CNTNAP2: variants seen among roughly 807,000 people sequenced by gnomAD.
The protein encoded by CNTNAP2 is contactin associated protein 2.
Under a neutral mutation model 155.2 loss-of-function variants are expected in CNTNAP2, and 98 were observed. The ratio of observed to expected loss-of-function variants is 0.63; its 90% CI spans 0.54 to 0.75. The LOEUF (loss-of-function observed/expected upper bound fraction) is 0.75, where lower values mean the gene tolerates loss of function less well. Ranked by LOEUF, CNTNAP2 falls within the 30% of genes least tolerant of loss-of-function variation. The pLI, the probability that CNTNAP2 is intolerant of heterozygous loss-of-function variation, is 0.00. For synonymous variants in CNTNAP2, 651 were observed against 631.2 expected (o/e 1.03, Z -0.47); for missense variants, 1,727 against 1,688.1 (o/e 1.02, Z -0.40).
chr7:146,441,649 T>C lies in CNTNAP2; in HGVS notation c.97+324676T>C, dbSNP rs137883224. On this transcript the variant is annotated intron_variant, in intron 1 of 23. Coordinates refer to ENST00000361727, the MANE Select transcript of CNTNAP2 (RefSeq NM_014141.6). ...GAGGAAGGTCCTCTTTGCTCTTGAA[T>C]CTCGCATTCCTCTCTGGGTTTTTGC... is the stretch of plus-strand genomic sequence containing the variant. Among the ~76,000 whole-genome samples the C allele has an allele frequency of 3.8e-4, 57 of 151,576 alleles. 4 individuals are homozygous for C. Among genetic ancestry groups the C allele is most frequent in the African/African-American group, 1.4e-3 (56 of 40,882 alleles).
chr7:146,555,160 C>T (rs1260020221), intron 1 of CNTNAP2, among the ~76,000 whole-genome samples: 2 of 152,072 alleles, frequency 1.3e-5, no homozygotes, highest in African/African-American at 2.4e-5. Context: ...CCCTCTTTCC[C>T]ATTTTCTTTC....
chr7:147,290,683 CAAAAAA>C (rs71182191), intron 8 of CNTNAP2, among the ~76,000 whole-genome samples: 25 of 73,284 alleles, frequency 3.4e-4, no homozygotes, highest in South Asian at 6.1e-4. Context: ...ACTCCATCTC[CAAAAAA>C]AAAAAAAAAA....
At chr7:147,004,479 A>G (rs1481282342) in intron 3 of CNTNAP2, among the ~76,000 whole-genome samples, 1 of 151,982 alleles carries the variant, frequency 6.6e-6, no homozygotes, top group Non-Finnish European at 1.5e-5. Flanking sequence ...AAACAAAAAC[A>G]TGACACTTCT....
chr7:146,894,843 C>A (rs1197566183), intron 3 of CNTNAP2, among the ~76,000 whole-genome samples: 1 of 152,082 alleles, frequency 6.6e-6, no homozygotes, highest in Non-Finnish European at 1.5e-5. Context: ...TGATGGCCGA[C>A]CTTGACTGAA....
intron 3 of CNTNAP2, among the ~76,000 whole-genome samples, chr7:146,924,241 G>T (rs1354764980): frequency 6.6e-6 from 1 of 151,564 alleles, no homozygotes; most frequent in Non-Finnish European, 1.5e-5. Context: ...TATAAAATTA[G>T]ATTTTTTTTA....
intron 16 of CNTNAP2, among the ~76,000 whole-genome samples, chr7:148,137,684 GGAAGGA>G (rs1804985472): frequency 9.8e-6 from 1 of 102,148 alleles, no homozygotes; most frequent in Non-Finnish European, 2.1e-5. Context: ...AAGGAAGGAA[GGAAGGA>G]AGGAAGGAAG....
intron 8 of CNTNAP2, among the ~76,000 whole-genome samples, chr7:147,193,199 G>A (rs1300196282): frequency 6.6e-6 from 1 of 152,104 alleles, no homozygotes; most frequent in Non-Finnish European, 1.5e-5. Flanking sequence ...GCCTCATAAA[G>A]CACAGTGAAG....
Position 148,179,868 on chromosome 7 carries a change from A to C in CNTNAP2, c.3010+7390A>C, listed in dbSNP as rs184775393. Among the ~76,000 whole-genome samples the C allele has an allele frequency of 2.0e-3, 300 of 152,272 alleles. 5 individuals are homozygous for C. Among genetic ancestry groups the C allele is most frequent in the East Asian group, 2.3e-3 (12 of 5,154 alleles). ...ACCTCTAAGGAAGAGAGGGTTTTCCACTTGCCTCCTAGAGAAACATTTCTT... is the reference window on the plus strand; with the variant it reads ...ACCTCTAAGGAAGAGAGGGTTTTCCCCTTGCCTCCTAGAGAAACATTTCTT... On this transcript the variant is annotated intron_variant, in intron 18 of 23. Coordinates refer to ENST00000361727, the MANE Select transcript of CNTNAP2 (RefSeq NM_014141.6).
intron 21 of CNTNAP2, among the ~76,000 whole-genome samples, chr7:148,336,959 G>C (rs1177934): frequency 0.51 from 77,358 of 151,966 alleles, 19,919 homozygotes; most frequent in East Asian, 0.66. Flanking sequence ...AAGATGCCCT[G>C]TCTACAAAGG....
chr7:147,157,930 T>C (rs940810596), intron 8 of CNTNAP2, among the ~76,000 whole-genome samples: 7 of 152,106 alleles, frequency 4.6e-5, no homozygotes, highest in African/African-American at 1.7e-4. Flanking sequence ...TAGTAGGACA[T>C]AGTGGGATAT....
At chr7:148,120,746 C>A (rs1804579382) in intron 16 of CNTNAP2, among the ~76,000 whole-genome samples, 2 of 152,120 alleles carry the variant, frequency 1.3e-5, no homozygotes, top group Admixed American at 1.3e-4. Context: ...GTTCAAGACC[C>A]AGATTCGAGC....
chr7:147,073,326 A>C (rs1376451013), intron 4 of CNTNAP2, among the ~76,000 whole-genome samples: 1 of 151,868 alleles, frequency 6.6e-6, no homozygotes, highest in East Asian at 1.9e-4. Context: ...AAAAAAAAAA[A>C]AACCACAAAT....
At chr7:147,582,656 CAG>C (rs1044986619) in intron 12 of CNTNAP2, among the ~76,000 whole-genome samples, 1 of 152,050 alleles carries the variant, frequency 6.6e-6, no homozygotes, top group African/African-American at 2.4e-5. Flanking sequence ...ATTATCATAA[CAG>C]AAGTAAAACA....
chr7:147,370,918 C>T (rs1040666234), intron 9 of CNTNAP2, among the ~76,000 whole-genome samples: 1 of 152,074 alleles, frequency 6.6e-6, no homozygotes, highest in Non-Finnish European at 1.5e-5. Context: ...CCAATTGTTA[C>T]TTTAATAAGG....
intron 1 of CNTNAP2, among the ~76,000 whole-genome samples, chr7:146,443,862 G>T (rs1796362778): frequency 1.3e-5 from 2 of 152,080 alleles, no homozygotes; most frequent in South Asian, 2.1e-4. Context: ...CCCTATTCTA[G>T]CTGGTTTGAG....
intron 1 of CNTNAP2, among the ~76,000 whole-genome samples, chr7:146,464,547 A>G (rs533350246): frequency 6.6e-6 from 1 of 152,250 alleles, no homozygotes; most frequent in African/African-American, 2.4e-5. Context: ...TTTTTGAAGT[A>G]GTAAGTCTGT....
intron 8 of CNTNAP2, among the ~76,000 whole-genome samples, chr7:147,199,549 C>A (rs1802879686): frequency 6.6e-6 from 1 of 151,764 alleles, no homozygotes; most frequent in Non-Finnish European, 1.5e-5. Flanking sequence ...ACATTATGTG[C>A]CTTCTCTTCA....
intron 1 of CNTNAP2, among the ~76,000 whole-genome samples, chr7:146,234,013 T>C (rs1466469691): frequency 6.6e-6 from 1 of 150,560 alleles, no homozygotes. Flanking sequence ...ATGGTATTTC[T>C]AGTTCTAGAT....
intron 13 of CNTNAP2, among the ~76,000 whole-genome samples, chr7:147,871,833 C>G (rs945585611): frequency 9.2e-5 from 14 of 152,178 alleles, no homozygotes; most frequent in African/African-American, 2.9e-4. Context: ...AGGCCAGCTC[C>G]TCTCACATCT....
Sources: gnomAD v4.1 joint callset for allele counts (sites outside exome capture counted in the v4.1 genomes callset) on GRCh38, gnomAD v4.1.1 for gene constraint, MANE v1.5 for transcripts, NCBI Gene and HGNC (gene_info 2026-07-23, HGNC 2026-07-21) for gene names.